Variants in KIAA1671 observed in about 807,000 individuals in gnomAD.
KIAA1671 encodes the protein uncharacterized protein KIAA1671.
In KIAA1671, 52 loss-of-function variants were observed where a neutral mutation model predicts 131.2. That is an observed-to-expected ratio of 0.40 (90% CI 0.32 to 0.50). KIAA1671 has a LOEUF of 0.50. Among genes scored for constraint, KIAA1671 ranks in the 20% least tolerant of loss-of-function variants. KIAA1671 has a pLI of 0.73. For synonymous variants in KIAA1671, 1,003 were observed against 961.6 expected, an observed-to-expected ratio of 1.04 and a Z score of -0.80; for missense variants, 2,360 against 2,364.2, an observed-to-expected ratio of 1.00 and a Z score of 0.04.
chr22:25,093,748 C>CTCTG (rs1930184675), intron 6 of KIAA1671, among the ~76,000 whole-genome samples: 36 of 111,488 alleles, frequency 3.2e-4, no homozygotes, highest in South Asian at 6.1e-4. Flanking sequence ...CTCTCTCTCT[C>CTCTG]TCTCTCTCTC....
At chr22:24,995,559 C>T (rs557393014) in intron 1 of KIAA1671, among the ~76,000 whole-genome samples, 1 of 152,126 alleles carries the variant, frequency 6.6e-6, no homozygotes, top group Admixed American at 6.5e-5. Context: ...TGGGTTTCGC[C>T]ACGTTGCCCA....
At chr22:25,002,242 A>G (rs909313180) in intron 1 of KIAA1671, among the ~76,000 whole-genome samples, 1 of 152,150 alleles carries the variant, frequency 6.6e-6, no homozygotes, top group Non-Finnish European at 1.5e-5. Flanking sequence ...ACCAGTGGGT[A>G]GGGGAAGCTG....
intron 6 of KIAA1671, chr22:25,112,582 T>C (rs748203437): frequency 2.5e-6 from 1 of 394,680 alleles, no homozygotes; most frequent in Non-Finnish European, 4.5e-6. Flanking sequence ...AGAATAGTTG[T>C]CAGTCAAAGC....
At chr22:25,000,209 T>TAAATGTAGC (rs1241803812) in intron 1 of KIAA1671, among the ~76,000 whole-genome samples, 15 of 72,244 alleles carry the variant, frequency 2.1e-4, no homozygotes, top group East Asian at 4.0e-4. Context: ...TTTTTTTTTT[T>TAAATGTAGC]TTGAGACGGA....
intron 6 of KIAA1671, among the ~76,000 whole-genome samples, chr22:25,108,033 A>C (rs1400867016): frequency 6.6e-6 from 1 of 152,036 alleles, no homozygotes; most frequent in Admixed American, 6.6e-5. Context: ...ATATCAGTAC[A>C]TTTCAGCTGT....
At chr22:25,119,264 C>T (rs1931824212) in intron 6 of KIAA1671, among the ~76,000 whole-genome samples, 1 of 152,090 alleles carries the variant, frequency 6.6e-6, no homozygotes, top group South Asian at 2.1e-4. Context: ...AGTGACACAG[C>T]CCTGGTGTAC....
intron 5 of KIAA1671, among the ~76,000 whole-genome samples, chr22:25,042,697 A>G (rs1298517243): frequency 2.7e-5 from 4 of 149,598 alleles, no homozygotes; most frequent in Admixed American, 1.3e-4. Flanking sequence ...CCGGTCTTGA[A>G]CTCCTGACCT....
intron 10 of KIAA1671, 21 bp from the exon 11 acceptor site, chr22:25,184,956 T>C: frequency 6.4e-7 from 1 of 1,550,816 alleles, no homozygotes; most frequent in Non-Finnish European, 8.7e-7. Flanking sequence ...GCTTATAGAC[T>C]CAGCTCTCTT....
chr22:25,181,776 C>T lies in KIAA1671; in HGVS notation c.5152C>T (p.Pro1718Ser), dbSNP rs1174924257. ...SKAERTPVSH[P>S]QRMPAFPGMD... Reference sequence around the variant, plus strand: ...AGCTGAGAGGACCCCTGTCAGCCATCCTCAGAGGATGCCTGCGTTTCCAGG... The same window carrying T: ...AGCTGAGAGGACCCCTGTCAGCCATTCTCAGAGGATGCCTGCGTTTCCAGG... The change falls in exon 10 of 13, where the codon CCT (proline) becomes TCT (serine). Residue 1718 changes from proline to serine, a missense_variant. Transcript: ENST00000358431. 2.6e-6 allele frequency: 4 copies of T among 1,551,630 alleles called. No homozygotes were observed. The highest frequency in any genetic ancestry group is 1.2e-5 in the South Asian group (1 of 84,052).
intron 1 of KIAA1671, among the ~76,000 whole-genome samples, chr22:24,996,798 C>A (rs1396054372): frequency 6.6e-6 from 1 of 152,114 alleles, no homozygotes; most frequent in East Asian, 1.9e-4. Context: ...TGGAGGACAG[C>A]CCTCCTGGAA....
In KIAA1671 at chr22:25,039,253, C is replaced by T. The variant is rs1926783264; in HGVS notation, c.2123C>T (p.Ser708Phe). The T allele has an allele frequency of 3.9e-6, 6 of 1,552,230 alleles. No homozygotes were observed. In the South Asian group the frequency reaches 7.1e-5, roughly 18 times the overall value. The change falls in exon 5 of 13, where the codon TCT becomes TTT. Residue 708 changes from serine (S) to phenylalanine (F), a missense_variant. Physicochemically the swap from Ser to Phe is radical, Grantham distance 155. Coordinates refer to ENST00000358431, the MANE Select transcript of KIAA1671 (RefSeq NM_001145206.2). ...HTPLRDKYPL[S>F]ENHNNNTFLK... ...CCTCTCCGGGACAAATACCCTTTGT[C>T]TGAAAACCACAATAATAACACCTTC...
chr22:24,966,027 G>GCTC (rs997062924), intron 1 of KIAA1671, among the ~76,000 whole-genome samples: 9 of 152,204 alleles, frequency 5.9e-5, no homozygotes, highest in South Asian at 2.1e-4. Flanking sequence ...GGAAACTGGG[G>GCTC]CTCCAAGAGG....
At chr22:25,030,146 C>T (rs9306403) in intron 3 of KIAA1671, among the ~76,000 whole-genome samples, 1 of 152,178 alleles carries the variant, frequency 6.6e-6, no homozygotes, top group African/African-American at 2.4e-5. Context: ...CCGATGTTGT[C>T]AATCAGTTGG....
chr22:25,099,537 GTTTTTTTGTTTTTT>G (rs959672343), intron 6 of KIAA1671, among the ~76,000 whole-genome samples: 7 of 112,110 alleles, frequency 6.2e-5, no homozygotes, highest in Admixed American at 1.9e-4. Flanking sequence ...CAAAATGTGG[GTTTTTTTGTTTTTT>G]TTTTTTTTTT....
At chr22:25,094,845 A>G (rs1930320885) in intron 6 of KIAA1671, among the ~76,000 whole-genome samples, 3 of 152,122 alleles carry the variant, frequency 2.0e-5, no homozygotes, top group Non-Finnish European at 4.4e-5. Context: ...AGCATCAGGA[A>G]GCCAGCCCTT....
In KIAA1671 at chr22:24,986,456, A is replaced by G. The variant is rs1293188574; in HGVS notation, c.-208+33684A>G. ...CAATGTAGATACCATGTAAGTAGTT[A>G]CTATCTACATTGTTTATGGAATATG... is the stretch of plus-strand genomic sequence containing the variant. On this transcript the variant is annotated intron_variant, in intron 1 of 12. Coordinates refer to ENST00000358431, the MANE Select transcript of KIAA1671 (RefSeq NM_001145206.2). Among the ~76,000 whole-genome samples, 4 of 152,078 alleles carry G rather than the reference A, an allele frequency of 2.6e-5. No individual in the cohort carries two copies. The East Asian group carries it at 7.7e-4, about 29-fold the overall frequency.
chr22:25,190,017 C>T (rs1317835448), intron 11 of KIAA1671, among the ~76,000 whole-genome samples: 1 of 152,158 alleles, frequency 6.6e-6, no homozygotes, highest in Non-Finnish European at 1.5e-5. Flanking sequence ...TTGTGAAAGA[C>T]AATTTTTCCA....
At chr22:25,087,016 G>A (rs9624720) in intron 6 of KIAA1671, among the ~76,000 whole-genome samples, 23 of 152,106 alleles carry the variant, frequency 1.5e-4, no homozygotes, top group African/African-American at 5.1e-4. Flanking sequence ...AAGGCTTTGG[G>A]GTGCAACGGA....
At chr22:25,093,840 C>CTCTCTCTCTCTCTCTCTCTT (rs1930255039) in intron 6 of KIAA1671, among the ~76,000 whole-genome samples, 2 of 57,056 alleles carry the variant, frequency 3.5e-5, no homozygotes, top group African/African-American at 1.2e-4. Context: ...CTCTGTCTGT[C>CTCTCTCTCTCTCTCTCTCTT]TCTCTCTCTC....
Sources: allele counts gnomAD v4.1 joint callset (sites outside exome capture counted in the v4.1 genomes callset), GRCh38; gene constraint gnomAD v4.1.1; transcripts MANE v1.5; gene names NCBI Gene and HGNC (gene_info 2026-07-23, HGNC 2026-07-21).